Variants in ZNF517 observed in about 807,000 individuals in gnomAD.
ZNF517 encodes zinc finger protein 517.
In ZNF517, 12 loss-of-function variants were observed where a neutral mutation model predicts 12.1. The ratio of observed to expected loss-of-function variants is 0.99; its 90% CI spans 0.63 to 1.61. The LOEUF (loss-of-function observed/expected upper bound fraction) is 1.61, where lower values mean the gene tolerates loss of function less well. Ranked by LOEUF, ZNF517 falls within the 40% of genes most tolerant of loss-of-function variation. The probability of loss-of-function intolerance (pLI) is 0.00; values close to 1 mark genes in which losing one functional copy is unlikely to be tolerated. For synonymous variants in ZNF517, 388 were observed against 310.2 expected, an observed-to-expected ratio of 1.25 and a Z score of -2.63; for missense variants, 781 against 693.2, an observed-to-expected ratio of 1.13 and a Z score of -1.42.
At chr8:144,807,019 G>A (rs1366351385) in intron 4 of ZNF517, among the ~76,000 whole-genome samples, 172 bp from the exon 5 acceptor site, 2 of 152,158 alleles carry the variant, frequency 1.3e-5, no homozygotes, top group South Asian at 2.1e-4. Flanking sequence ...CTGGGTTCAA[G>A]CAATTCTCCT....
rs748684130 is a variant in ZNF517 at position 144,807,494 on chromosome 8, T to C, written c.578T>C (p.Leu193Pro). 1 of 1,587,302 alleles carries C rather than the reference T, an allele frequency of 6.3e-7. No individual in the cohort carries two copies. Among genetic ancestry groups the C allele is most frequent in the Admixed American group, 1.8e-5 (1 of 56,152 alleles). The change falls in exon 5 of 5, where the codon CTC (leucine) becomes CCC (proline). Residue 193 changes from leucine (L) to proline (P), a missense_variant. By Grantham distance (98) the Leu-to-Pro change is moderately conservative. Coordinates refer to ENST00000359971, the MANE Select transcript of ZNF517 (RefSeq NM_213605.3). ...GKAFRYNSLL[L>P]RHQIIHTGAK... ...GCGTTCAGATACAACTCGCTGCTTC[T>C]CAGGCACCAGATCATCCACACCGGC... is the stretch of plus-strand genomic sequence containing the variant.
In ZNF517 at chr8:144,804,227, GC is replaced by G; in HGVS notation, c.265del (p.Leu89CysfsTer137). 6.2e-7 allele frequency: 1 copy of G among 1,613,630 alleles called. No individual in the cohort carries two copies. On this transcript the variant is annotated frameshift_variant, in exon 4 of 5. Coordinates refer to ENST00000359971, the MANE Select transcript of ZNF517 (RefSeq NM_213605.3). LOFTEE classifies it low-confidence loss of function (END_TRUNC). ...GCTGAACAGAGCGTGGCCAAAGCCA[GC>G]CTGTGCACAGGTGAGTACAAAGCAC... is the stretch of plus-strand genomic sequence containing the variant. The part of the protein sequence containing the change: ...QVAEQSVAKA[S>X]LCTDSRMEAG...
intron 1 of ZNF517, chr8:144,800,804 T>G (rs1483883882): frequency 3.4e-6 from 2 of 580,986 alleles, no homozygotes; most frequent in Non-Finnish European, 4.3e-6. Context: ...TTCATAGCAT[T>G]GTGACCAAGC....
rs904751638 is a variant in ZNF517, at chr8:144,810,001, C to T, written c.*1606C>T. ...CTGGGAGGTAGAGGTTGCAGTGAGC[C>T]GAGATCGAGCCACTGCACTCCAGCC... On this transcript the variant is annotated 3_prime_UTR_variant, in exon 5 of 5. Coordinates refer to ENST00000359971, the MANE Select transcript of ZNF517 (RefSeq NM_213605.3). 4.5e-5 allele frequency: 20 copies of T among 449,436 alleles called. No individual in the cohort carries two copies. Among genetic ancestry groups the T allele is most frequent in the African/African-American group, 1.6e-4 (8 of 49,686 alleles). 27.8% of individuals were successfully genotyped at this position (449,436 alleles called of 1,614,324 possible).
Position 144,803,846 on chromosome 8 carries a change from T to C in ZNF517, c.160+79T>C, listed in dbSNP as rs1827090656. The C allele has an allele frequency of 3.9e-6, 6 of 1,548,316 alleles. No individual in the cohort carries two copies. The Admixed American group carries it at 1.1e-4, about 30-fold the overall frequency. ...CAAAGGAAGTTGGTTCCATTGCAGA[T>C]TCAAGGTCTGACACATTTTTGAGGG... On this transcript the variant is annotated intron_variant, in intron 3 of 4. Coordinates refer to ENST00000359971, the MANE Select transcript of ZNF517 (RefSeq NM_213605.3).
Position 144,807,802 on chromosome 8 carries a change from A to C in ZNF517, c.886A>C (p.Lys296Gln). 6.2e-7 allele frequency: 1 copy of C among 1,611,248 alleles called. No homozygotes were observed. The highest frequency in any genetic ancestry group is 8.5e-7 in the Non-Finnish European group (1 of 1,179,026). ...GCCCTTCGCGTGCACAGAGTGCGGC[A>C]AGGCGTTCTGCCGCAGGTTCACCCT... ...EKPFACTECG[K>Q]AFCRRFTLNE... is the part of the protein sequence containing the mutation. Residue 296 changes from lysine (K) to glutamine (Q), a missense_variant, in exon 5 of 5, where the codon AAG (lysine) becomes CAG (glutamine). Transcript: ENST00000359971.
At chr8:144,812,142 A>C (rs1315464307), downstream of ZNF517, among the ~76,000 whole-genome samples, 1 of 137,628 alleles carries the variant, frequency 7.3e-6, no homozygotes, top group African/African-American at 2.9e-5. Context: ...GCAAAGGCTG[A>C]GACAGGGTGG....
At position 144,798,957 on chromosome 8, in the gene ZNF517, G is replaced by C. The variant is rs1203512765; in HGVS notation, c.-46+20G>C. 6.6e-6 allele frequency: 1 copy of C among 152,094 alleles called. No homozygotes were observed. The highest frequency in any genetic ancestry group is 1.5e-5 in the Non-Finnish European group (1 of 67,998). The allele number at this position is 152,094 out of a possible 1,614,324, so 9.4% of individuals were successfully genotyped here. Reference sequence around the variant, plus strand: ...CCCAGGGTGAGTCGGCCGCGGCCGCGGGGCGGGGACTGGGAGGGGCGCGGT... The same window carrying C: ...CCCAGGGTGAGTCGGCCGCGGCCGCCGGGCGGGGACTGGGAGGGGCGCGGT... On this transcript the variant is annotated intron_variant, in intron 1 of 4. Coordinates refer to ENST00000359971, the MANE Select transcript of ZNF517 (RefSeq NM_213605.3).
In ZNF517 at chr8:144,807,624, C is replaced by T. The variant is rs760446512; in HGVS notation, c.708C>T (p.Gly236=). 4 of 1,609,340 alleles carry T rather than the reference C, an allele frequency of 2.5e-6. No homozygotes were observed. The highest frequency in any genetic ancestry group is 2.2e-5 in the South Asian group (2 of 90,698). ...IHTEEKPFQC[G]ECGKAFRQST... ...CTGAGGAGAAGCCGTTCCAGTGCGG[C>T]GAGTGCGGGAAGGCCTTCCGGCAGA... is the stretch of plus-strand genomic sequence containing the variant. Residue 236 remains glycine (G), a synonymous_variant, in exon 5 of 5, where the codon GGC becomes GGT. Coordinates refer to ENST00000359971, the MANE Select transcript of ZNF517 (RefSeq NM_213605.3).
rs923102192 is a variant in ZNF517 at position 144,809,385 on chromosome 8, G to A, written c.*990G>A. The A allele has an allele frequency of 5.9e-5, 9 of 152,188 alleles. 1 individual carries two copies. Among genetic ancestry groups the A allele is most frequent in the African/African-American group, 9.7e-5 (4 of 41,440 alleles). The allele number at this position is 152,188 out of a possible 1,614,324, so 9.4% of individuals were successfully genotyped here. A position where few individuals can be genotyped will look rare whatever the true frequency, so the allele number is the denominator to read the frequency against. On this transcript the variant is annotated 3_prime_UTR_variant, in exon 5 of 5. Coordinates refer to ENST00000359971, the MANE Select transcript of ZNF517 (RefSeq NM_213605.3). Reference sequence around the variant, plus strand: ...GAAGCATTGTTTCTGAGTGTGTGAGGATGTTTTCAGTGGACTCAGTGAAGA... The same window carrying A: ...GAAGCATTGTTTCTGAGTGTGTGAGAATGTTTTCAGTGGACTCAGTGAAGA...
chr8:144,807,243 C>T lies in ZNF517; in HGVS notation c.327C>T (p.Ser109=). ...IMESPLQRKL[S]RQAGLPGTVW... The stretch of plus-strand genomic sequence containing the variant: ...AGTCTCCTCTGCAGAGAAAGCTCTC[C>T]AGGCAGGCAGGACTGCCGGGCACCG... The change falls in exon 5 of 5, where the codon TCC becomes TCT. Residue 109 remains serine (S), a synonymous_variant. Coordinates refer to ENST00000359971, the MANE Select transcript of ZNF517 (RefSeq NM_213605.3). The T allele has an allele frequency of 6.5e-7, 1 of 1,548,486 alleles. No homozygotes were observed. Among genetic ancestry groups the T allele is most frequent in the Admixed American group, 2.1e-5 (1 of 48,112 alleles).
At chr8:144,807,056 A>G (rs990179482) in intron 4 of ZNF517, 135 bp from the exon 5 acceptor site, 19 of 1,182,768 alleles carry the variant, frequency 1.6e-5, no homozygotes, top group Non-Finnish European at 2.1e-5. Context: ...TACAAGTTTT[A>G]TTTGTCATTT....
At chr8:144,803,882 G>A (rs1449272080) in intron 3 of ZNF517, 115 bp downstream of exon 3, 3 of 1,435,714 alleles carry the variant, frequency 2.1e-6, no homozygotes, top group Admixed American at 2.2e-5. Flanking sequence ...GAAGCTGGAG[G>A]CTCCCCAAGG....
intron 2 of ZNF517, 114 bp from the exon 3 acceptor site, chr8:144,803,527 A>G: frequency 7.0e-7 from 1 of 1,423,748 alleles, no homozygotes; most frequent in Non-Finnish European, 9.7e-7. Flanking sequence ...GGCCCTGTGG[A>G]TGCAGCAGTG....
chr8:144,804,320 T>C (rs111883140), intron 4 of ZNF517, 82 bp downstream of exon 4: 9 of 987,472 alleles, frequency 9.1e-6, no homozygotes, highest in African/African-American at 4.8e-5. Flanking sequence ...TCCCTTCTTC[T>C]ACAGTGGGAG....
In ZNF517 at chr8:144,807,581, G is replaced by C. The variant is rs961298456; in HGVS notation, c.665G>C (p.Arg222Pro). Residue 222 changes from arginine (R) to proline (P), a missense_variant, in exon 5 of 5, where the codon CGG (arginine) becomes CCG (proline). Physicochemically the swap from Arg to Pro is moderately radical, Grantham distance 103 (BLOSUM62 -2). Transcript: ENST00000359971. ...KAFKQSSILL[R>P]HQLIHTEEKP... ...TTCAAGCAAAGCTCCATCCTGCTGC[G>C]GCACCAGCTGATCCACACTGAGGAG... 3 of 1,602,340 alleles carry C rather than the reference G, an allele frequency of 1.9e-6. No homozygotes were observed. The highest frequency in any genetic ancestry group is 2.6e-6 in the Non-Finnish European group (3 of 1,175,410).
At chr8:144,806,275 A>G (rs1827221444) in intron 4 of ZNF517, among the ~76,000 whole-genome samples, 1 of 152,178 alleles carries the variant, frequency 6.6e-6, no homozygotes, top group Non-Finnish European at 1.5e-5. Context: ...TGCTGAGTGC[A>G]GGAACTGTGG....
At chr8:144,804,804 C>T (rs1043481676) in intron 4 of ZNF517, among the ~76,000 whole-genome samples, 2 of 152,146 alleles carry the variant, frequency 1.3e-5, no homozygotes, top group Non-Finnish European at 2.9e-5. Flanking sequence ...ACAGCCGAGG[C>T]GGAGAGAGAG....
chr8:144,813,084 G>A (rs1385284146), downstream of ZNF517, among the ~76,000 whole-genome samples: 3 of 151,970 alleles, frequency 2.0e-5, no homozygotes, highest in Non-Finnish European at 2.9e-5. Flanking sequence ...TTGGGAGGCC[G>A]AGATGGTGGA....
Sources: gnomAD v4.1 joint callset for allele counts (sites outside exome capture counted in the v4.1 genomes callset) on GRCh38, gnomAD v4.1.1 for gene constraint, MANE v1.5 for transcripts, NCBI Gene and HGNC (gene_info 2026-07-23, HGNC 2026-07-21) for gene names.